SPAG16: variants seen among roughly 807,000 people sequenced by gnomAD.
SPAG16 encodes sperm-associated antigen 16 protein.
A neutral mutation model predicts 80.4 loss-of-function variants in SPAG16; 86 were observed. The ratio of observed to expected loss-of-function variants is 1.07; its 90% CI spans 0.90 to 1.28. The LOEUF (loss-of-function observed/expected upper bound fraction) is 1.28. SPAG16 is among the 50% of genes most tolerant of loss of function. The pLI is 0.00. For synonymous variants in SPAG16, 294 were observed against 265.9 expected (o/e 1.11, Z -1.03); for missense variants, 870 against 765.3 (o/e 1.14, Z -1.61).
intron 12 of SPAG16, among the ~76,000 whole-genome samples, chr2:214,000,693 G>A (rs2046751061): frequency 6.6e-6 from 1 of 152,068 alleles, no homozygotes; most frequent in Non-Finnish European, 1.5e-5. Flanking sequence ...GCTAGTGATT[G>A]GTGCTAAAAA....
intron 15 of SPAG16, among the ~76,000 whole-genome samples, chr2:214,152,879 C>A (rs954873161): frequency 2.6e-5 from 4 of 152,112 alleles, no homozygotes; most frequent in African/African-American, 9.7e-5. Context: ...TTCTGCATAT[C>A]AGAGACTTTT....
chr2:213,908,462 G>C (rs940050785), intron 11 of SPAG16, among the ~76,000 whole-genome samples: 3 of 152,162 alleles, frequency 2.0e-5, no homozygotes, highest in African/African-American at 7.2e-5. Context: ...TCAGGTTTGT[G>C]TGTTTCTCTA....
chr2:213,672,212 CA>C (rs1475155481), intron 10 of SPAG16, among the ~76,000 whole-genome samples: 3 of 151,600 alleles, frequency 2.0e-5, no homozygotes, highest in Non-Finnish European at 4.4e-5. Flanking sequence ...CTTTCCTTTC[CA>C]GGGGCCTAGT....
At chr2:214,120,520 C>G (rs1268836398) in intron 14 of SPAG16, among the ~76,000 whole-genome samples, 1 of 151,694 alleles carries the variant, frequency 6.6e-6, no homozygotes. Context: ...TTCCTAGAAA[C>G]CTGCACTAGC....
At chr2:214,113,963 A>G (rs1321191659) in intron 14 of SPAG16, among the ~76,000 whole-genome samples, 1 of 152,118 alleles carries the variant, frequency 6.6e-6, no homozygotes, top group African/African-American at 2.4e-5. Context: ...TTGTGGTTTT[A>G]TCTACCTTTG....
intron 14 of SPAG16, among the ~76,000 whole-genome samples, chr2:214,138,680 A>G (rs2055189926): frequency 6.6e-6 from 1 of 152,132 alleles, no homozygotes; most frequent in Non-Finnish European, 1.5e-5. Flanking sequence ...TAGTTTCTTT[A>G]TTGTACTAGA....
At chr2:214,154,992 A>C (rs567452320) in intron 15 of SPAG16, among the ~76,000 whole-genome samples, 24 of 152,342 alleles carry the variant, frequency 1.6e-4, no homozygotes, top group African/African-American at 5.3e-4. Context: ...TGACTGCTCC[A>C]GAATATAGCC....
chr2:213,489,997 C>T lies in SPAG16; in HGVS notation c.977C>T (p.Pro326Leu), dbSNP rs763958959. 1.2e-6 allele frequency: 2 copies of T among 1,608,360 alleles called. No individual in the cohort carries two copies. Among genetic ancestry groups the T allele is most frequent in the Non-Finnish European group, 1.7e-6 (2 of 1,177,626 alleles). Residue 326 changes from proline to leucine, a missense_variant, in exon 10 of 16, where the codon CCA becomes CTA. Transcript: ENST00000331683. Reference sequence around the variant, plus strand: ...TTTCCCATAGATATGCAACCAAATCCAAACCTGAATGTTTCTAAAGAAAGT... The same window carrying T: ...TTTCCCATAGATATGCAACCAAATCTAAACCTGAATGTTTCTAAAGAAAGT... ...SEFPIDMQPN[P>L]NLNVSKESLS...
chr2:213,789,558 T>G lies in SPAG16; in HGVS notation c.1071-72927T>G, dbSNP rs74437851. Reference sequence around the variant, plus strand: ...TGAAGACCAATTTATGTGTTATCTTTTATTTGAAAAGCAGCTTAAAAAGAC... The same window carrying G: ...TGAAGACCAATTTATGTGTTATCTTGTATTTGAAAAGCAGCTTAAAAAGAC... On this transcript the variant is annotated intron_variant, in intron 10 of 15. Coordinates refer to ENST00000331683, the MANE Select transcript of SPAG16 (RefSeq NM_024532.5). Among the ~76,000 whole-genome samples the G allele has an allele frequency of 5.9e-3, 900 of 152,094 alleles. 10 individuals are homozygous for G. Among genetic ancestry groups the G allele is most frequent in the African/African-American group, 0.02 (848 of 41,554 alleles).
chr2:214,077,881 T>C (rs995714443), intron 13 of SPAG16, among the ~76,000 whole-genome samples: 2 of 152,236 alleles, frequency 1.3e-5, no homozygotes, highest in Non-Finnish European at 2.9e-5. Flanking sequence ...AGCAACTTGC[T>C]GTTCCTTTTG....
In SPAG16 at chr2:213,789,843, C is replaced by T. The variant is rs754566601; in HGVS notation, c.1071-72642C>T. On this transcript the variant is annotated intron_variant, in intron 10 of 15. Transcript: ENST00000331683. ...TTTTTGCCTCAAATTCTTTTTAAAG[C>T]AGGGAAGTTAAAAATAATTTGTAAA... Among the ~76,000 whole-genome samples, 31 of 151,946 alleles carry T rather than the reference C, an allele frequency of 2.0e-4. 1 individual carries two copies. The highest frequency in any genetic ancestry group is 4.0e-4 in the Non-Finnish European group (27 of 67,828).
rs200919937 is a variant in SPAG16, at chr2:213,441,810, T to G, written c.943-48153T>G. On this transcript the variant is annotated intron_variant, in intron 9 of 15. Coordinates refer to ENST00000331683, the MANE Select transcript of SPAG16 (RefSeq NM_024532.5). ...ACAGTACAAAGTTAATATACAAAAGTCAACCACTTTCCTATATTCCAGCAG... is the reference window on the plus strand; with the variant it reads ...ACAGTACAAAGTTAATATACAAAAGGCAACCACTTTCCTATATTCCAGCAG... Among the ~76,000 whole-genome samples, 60 of 152,148 alleles carry G rather than the reference T, an allele frequency of 3.9e-4. No individual in the cohort carries two copies. The East Asian group carries it at 0.011, about 28-fold the overall frequency.
chr2:213,772,580 T>A (rs1297904393), intron 10 of SPAG16, among the ~76,000 whole-genome samples: 1 of 152,164 alleles, frequency 6.6e-6, no homozygotes, highest in Non-Finnish European at 1.5e-5. Context: ...ATATGTGGGT[T>A]TATTTCTATT....
At chr2:213,591,731 C>T (rs1002815210) in intron 10 of SPAG16, among the ~76,000 whole-genome samples, 5 of 151,942 alleles carry the variant, frequency 3.3e-5, no homozygotes, top group Admixed American at 6.6e-5. Context: ...AAGGGGTCAG[C>T]GGATGGAAAA....
intron 10 of SPAG16, among the ~76,000 whole-genome samples, chr2:213,543,187 A>C (rs1559237874): frequency 6.6e-6 from 1 of 152,074 alleles, no homozygotes; most frequent in African/African-American, 2.4e-5. Context: ...GAAATCGATG[A>C]GCTAAAGAGC....
rs1269637728 is a variant in SPAG16 at position 213,674,543 on chromosome 2, C to G, written c.1070+184453C>G. Among the ~76,000 whole-genome samples the G allele has an allele frequency of 2.7e-5, 4 of 149,402 alleles. 1 individual carries two copies. Among genetic ancestry groups the G allele is most frequent in the African/African-American group, 1.0e-4 (4 of 38,896 alleles). On this transcript the variant is annotated intron_variant, in intron 10 of 15. Transcript: ENST00000331683. The stretch of plus-strand genomic sequence containing the variant: ...ATGCTATCCCTCCCCCTTTCCCCCA[C>G]CCCACAACAGTCCCCAGAGTGTGAT...
chr2:213,342,158 C>A (rs75850618), intron 6 of SPAG16, among the ~76,000 whole-genome samples: 3,601 of 151,604 alleles, frequency 0.024, 57 homozygotes, highest in African/African-American at 0.039. Flanking sequence ...CTTCAACCAT[C>A]CACAGATTAC....
intron 10 of SPAG16, among the ~76,000 whole-genome samples, chr2:213,855,052 G>T (rs902567385): frequency 6.6e-6 from 1 of 152,192 alleles, no homozygotes; most frequent in Non-Finnish European, 1.5e-5. Context: ...GCCAACCTCT[G>T]CTTTAGACCA....
At chr2:214,262,600 A>G (rs963484506) in intron 15 of SPAG16, among the ~76,000 whole-genome samples, 2 of 152,038 alleles carry the variant, frequency 1.3e-5, no homozygotes, top group Non-Finnish European at 2.9e-5. Context: ...TGTTAAATTA[A>G]CCATAATTTT....
Sources: gnomAD v4.1 joint callset for allele counts (sites outside exome capture counted in the v4.1 genomes callset) on GRCh38, gnomAD v4.1.1 for gene constraint, MANE v1.5 for transcripts, NCBI Gene and HGNC (gene_info 2026-07-23, HGNC 2026-07-21) for gene names.